PTPRG: variants seen among roughly 807,000 people sequenced by gnomAD.
PTPRG encodes receptor-type tyrosine-protein phosphatase gamma.
Under a neutral mutation model 165.3 loss-of-function variants are expected in PTPRG, and 102 were observed. That is an observed-to-expected ratio of 0.62 (90% confidence interval 0.53 to 0.73). The LOEUF (loss-of-function observed/expected upper bound fraction) is 0.73. Ranked by LOEUF, PTPRG falls within the 30% of genes least tolerant of loss-of-function variation. PTPRG has a pLI of 0.00. For missense variants in PTPRG, 1,866 were observed against 1,861.4 expected, an observed-to-expected ratio of 1.00 and a Z score of -0.05; for synonymous variants, 675 against 669.5, an observed-to-expected ratio of 1.01 and a Z score of -0.13.
intron 6 of PTPRG, among the ~76,000 whole-genome samples, chr3:62,138,345 A>G (rs940902992): frequency 3.3e-5 from 5 of 152,216 alleles, no homozygotes; most frequent in Non-Finnish European, 7.3e-5. Context: ...ATTGTTGCAA[A>G]TATGAACAGT....
At chr3:62,093,457 A>T (rs1413152279) in intron 5 of PTPRG, among the ~76,000 whole-genome samples, 1 of 152,224 alleles carries the variant, frequency 6.6e-6, no homozygotes, top group East Asian at 1.9e-4. Context: ...TTGGTTTATT[A>T]TAAAAAGTAG....
chr3:61,670,515 C>T (rs957769695), intron 1 of PTPRG, among the ~76,000 whole-genome samples: 1 of 152,212 alleles, frequency 6.6e-6, no homozygotes, highest in African/African-American at 2.4e-5. Flanking sequence ...TGTCTGCGCC[C>T]TTATTGATCA....
At chr3:61,688,098 G>GGCTC (rs1361036673) in intron 1 of PTPRG, among the ~76,000 whole-genome samples, 3 of 152,178 alleles carry the variant, frequency 2.0e-5, no homozygotes, top group African/African-American at 4.8e-5. Context: ...TCATGACCTT[G>GGCTC]GCTCTGTTGA....
intron 5 of PTPRG, among the ~76,000 whole-genome samples, chr3:62,123,181 G>A (rs538016747): frequency 1.3e-5 from 2 of 152,296 alleles, no homozygotes; most frequent in South Asian, 4.1e-4. Context: ...AAGTTCAACT[G>A]GGGAATGATT....
chr3:62,205,305 G>C (rs940473692), intron 12 of PTPRG, among the ~76,000 whole-genome samples: 38 of 152,186 alleles, frequency 2.5e-4, no homozygotes, highest in African/African-American at 8.4e-4. Flanking sequence ...TTCCCTCTAG[G>C]AATTACTTTG....
At chr3:62,261,888 T>C (rs899619854) in intron 16 of PTPRG, 3 of 152,128 alleles carry the variant, frequency 2.0e-5, no homozygotes, top group Non-Finnish European at 4.4e-5. Flanking sequence ...AACTCCTTTG[T>C]GGAAAAAAAA....
At chr3:61,589,780 G>T (rs1039913692) in intron 1 of PTPRG, among the ~76,000 whole-genome samples, 1 of 151,802 alleles carries the variant, frequency 6.6e-6, no homozygotes, top group African/African-American at 2.4e-5. Context: ...TGGGTAGATG[G>T]GTGGATGGAT....
chr3:61,950,602 C>CT (rs2039876748), intron 2 of PTPRG, among the ~76,000 whole-genome samples: 1 of 151,962 alleles, frequency 6.6e-6, no homozygotes, highest in African/African-American at 2.4e-5. Flanking sequence ...GTTATAGGTT[C>CT]TTTCTGTACA....
chr3:61,863,334 T>G (rs573542919), intron 2 of PTPRG, among the ~76,000 whole-genome samples: 6 of 152,294 alleles, frequency 3.9e-5, no homozygotes, highest in Non-Finnish European at 5.9e-5. Flanking sequence ...ATTTAGGTGG[T>G]GGGTAGGTAT....
chr3:61,585,828 T>C (rs1013973928), intron 1 of PTPRG, among the ~76,000 whole-genome samples: 11 of 152,248 alleles, frequency 7.2e-5, no homozygotes, highest in African/African-American at 1.2e-4. Context: ...AGGAGATGAA[T>C]GATGAAGATC....
At chr3:62,040,479 G>T (rs372034745) in intron 4 of PTPRG, among the ~76,000 whole-genome samples, 1 of 152,182 alleles carries the variant, frequency 6.6e-6, no homozygotes, top group Non-Finnish European at 1.5e-5. Flanking sequence ...TTTTAAGACA[G>T]AGTCTTACTC....
At chr3:61,712,526 G>A (rs1437223152) in intron 1 of PTPRG, among the ~76,000 whole-genome samples, 1 of 152,092 alleles carries the variant, frequency 6.6e-6, no homozygotes, top group Admixed American at 6.6e-5. Flanking sequence ...TGCTGTTCTC[G>A]TGATAGTGAG....
chr3:61,753,585 G>GT (rs10640815), intron 2 of PTPRG: 25,548 of 358,938 alleles, frequency 0.071, 62 homozygotes, highest in South Asian at 0.11. Context: ...AAATTTGAGG[G>GT]TTTTTTTTTT....
chr3:61,593,312 T>G (rs1700619446), intron 1 of PTPRG, among the ~76,000 whole-genome samples: 1 of 151,798 alleles, frequency 6.6e-6, no homozygotes, highest in African/African-American at 2.4e-5. Flanking sequence ...GGCCCCACCA[T>G]GATGAATTGC....
chr3:62,219,470 TG>T lies in PTPRG; in HGVS notation c.2288+489del, dbSNP rs1243303209. Among the ~76,000 whole-genome samples the T allele has an allele frequency of 6.6e-6, 1 of 152,242 alleles. No individual in the cohort carries two copies. Among genetic ancestry groups the T allele is most frequent in the Non-Finnish European group, 1.5e-5 (1 of 68,042 alleles). On this transcript the variant is annotated intron_variant, in intron 13 of 29. Transcript: ENST00000474889. The surrounding 1 kb of genome is among the most constrained non-coding windows in gnomAD (Gnocchi z 4.5). ...ATAGGAAAACATTTAGCATATTATGTGGTATTTAATATATGTAAGATTAAAA... is the reference window on the plus strand; with the variant it reads ...ATAGGAAAACATTTAGCATATTATGTGTATTTAATATATGTAAGATTAAAA...
At position 61,617,350 on chromosome 3, in the gene PTPRG, C is replaced by G. The variant is rs192946029; in HGVS notation, c.85+54978C>G. 1.5e-3 allele frequency among the ~76,000 whole-genome samples: 228 copies of G among 152,286 alleles called. 1 individual carries two copies. The highest frequency in any genetic ancestry group is 4.3e-4 in the Non-Finnish European group (29 of 68,030). The stretch of plus-strand genomic sequence containing the variant: ...GGTGTGTCGGTATTTAATGGCTCTT[C>G]TACTGCTTCTGGATAAAATAGTCAG... On this transcript the variant is annotated intron_variant, in intron 1 of 29. Coordinates refer to ENST00000474889, the MANE Select transcript of PTPRG (RefSeq NM_002841.4).
At chr3:61,817,242 G>A (rs78163304) in intron 2 of PTPRG, among the ~76,000 whole-genome samples, 1 of 140,642 alleles carries the variant, frequency 7.1e-6, no homozygotes, top group Non-Finnish European at 1.5e-5. Context: ...ATAGAGAGCT[G>A]TTGGGAATCT....
In PTPRG at chr3:62,003,387, G is replaced by A; in HGVS notation, c.409G>A (p.Ala137Thr). ...LLKDDYFVSG[A>T]GLPGRFKAEK... ...GAAAGACGACTATTTTGTCAGTGGA[G>A]CTGGTCTACCTGGCAGATTCAAAGC... The change falls in exon 4 of 30, where the codon GCT becomes ACT. Residue 137 changes from alanine (A) to threonine (T), a missense_variant. Physicochemically the swap from Ala to Thr is moderately conservative, Grantham distance 58. Coordinates refer to ENST00000474889, the MANE Select transcript of PTPRG (RefSeq NM_002841.4). 1 of 1,614,064 alleles carries A rather than the reference G, an allele frequency of 6.2e-7. No individual in the cohort carries two copies. The highest frequency in any genetic ancestry group is 8.5e-7 in the Non-Finnish European group (1 of 1,179,940).
At chr3:61,767,538 G>T (rs1024464321) in intron 2 of PTPRG, among the ~76,000 whole-genome samples, 1 of 152,140 alleles carries the variant, frequency 6.6e-6, no homozygotes, top group Non-Finnish European at 1.5e-5. Context: ...ATATTAATTG[G>T]TTGGCATTTA....
Sources: allele counts gnomAD v4.1 joint callset (sites outside exome capture counted in the v4.1 genomes callset), GRCh38; gene constraint gnomAD v4.1.1; non-coding constraint Gnocchi (gnomAD v3.1); transcripts MANE v1.5; gene names NCBI Gene and HGNC (gene_info 2026-07-23, HGNC 2026-07-21).